The following FUT8 variants were observed in gnomAD, a reference collection of about 807,000 sequenced individuals.
The protein encoded by FUT8 is fucosyltransferase 8, also known as alpha-(1,6)-fucosyltransferase.
Under a neutral mutation model 71.3 loss-of-function variants are expected in FUT8, and 29 were observed. The ratio of observed to expected loss-of-function variants is 0.41; its 90% CI spans 0.30 to 0.55. The LOEUF is 0.55. Among genes scored for constraint, FUT8 ranks in the 20% least tolerant of loss-of-function variants. The pLI is 0.34. For missense variants in FUT8, 544 were observed against 702.1 expected (o/e 0.77, Z 2.55); for synonymous variants, 254 against 239.3 (o/e 1.06, Z -0.57).
chr14:65,497,361 G>A (rs1211678347), intron 2 of FUT8, among the ~76,000 whole-genome samples: 1 of 152,148 alleles, frequency 6.6e-6, no homozygotes, highest in African/African-American at 2.4e-5. Flanking sequence ...TTGGAAGCTT[G>A]TTAAAATGTA....
At position 65,544,335 on chromosome 14, in the gene FUT8, A is replaced by G. The variant is rs549280374; in HGVS notation, c.-227-17002A>G. Among the ~76,000 whole-genome samples the G allele has an allele frequency of 2.6e-5, 4 of 152,278 alleles. No individual in the cohort carries two copies. The East Asian group carries it at 7.7e-4, about 29-fold the overall frequency. On this transcript the variant is annotated intron_variant, in intron 2 of 10. Transcript: ENST00000673929. The stretch of plus-strand genomic sequence containing the variant: ...CTTCACAATTATGTGAGTTTCTACG[A>G]TTATGACTCCTACTTTATAGCAGGG...
chr14:65,599,889 C>T (rs1888207682), intron 3 of FUT8, among the ~76,000 whole-genome samples: 2 of 152,164 alleles, frequency 1.3e-5, no homozygotes, highest in African/African-American at 2.4e-5. Context: ...AATACATATG[C>T]TCTAACAAAA....
chr14:65,665,190 C>T (rs17102839), intron 6 of FUT8, among the ~76,000 whole-genome samples: 2,055 of 152,060 alleles, frequency 0.014, 37 homozygotes, highest in East Asian at 0.093. Flanking sequence ...GTGGCTTTTA[C>T]TTCATAATGA....
At chr14:65,535,525 G>C (rs1309032725) in intron 2 of FUT8, among the ~76,000 whole-genome samples, 1 of 152,074 alleles carries the variant, frequency 6.6e-6, no homozygotes, top group African/African-American at 2.4e-5. Flanking sequence ...GAACTTCTTT[G>C]GTTTCTGCCT....
At chr14:65,580,542 AAC>A (rs1393703821) in intron 3 of FUT8, among the ~76,000 whole-genome samples, 1 of 152,046 alleles carries the variant, frequency 6.6e-6, no homozygotes, top group Non-Finnish European at 1.5e-5. Context: ...CGCACATACA[AAC>A]ACACATGGAA....
chr14:65,618,566 G>T (rs1163085783), intron 5 of FUT8, among the ~76,000 whole-genome samples: 1 of 152,028 alleles, frequency 6.6e-6, no homozygotes, highest in African/African-American at 2.4e-5. Context: ...CAAATAATGA[G>T]CAAAACACAA....
intron 6 of FUT8, among the ~76,000 whole-genome samples, chr14:65,641,365 T>C (rs1410037945): frequency 6.6e-6 from 1 of 152,258 alleles, no homozygotes; most frequent in Non-Finnish European, 1.5e-5. Flanking sequence ...TCTTAATTAC[T>C]GACTGGTATT....
chr14:65,491,595 G>C (rs576255725), intron 2 of FUT8, among the ~76,000 whole-genome samples: 21 of 151,944 alleles, frequency 1.4e-4, no homozygotes, highest in Non-Finnish European at 2.6e-4. Context: ...GGCAAAATAA[G>C]GGAACTATAT....
chr14:65,523,401 G>A (rs142802011), intron 2 of FUT8, among the ~76,000 whole-genome samples: 123 of 150,698 alleles, frequency 8.2e-4, no homozygotes, highest in African/African-American at 2.4e-3. Flanking sequence ...CATATCCTTC[G>A]CCCATTTTTT....
At chr14:65,542,004 G>A (rs1884703894) in intron 2 of FUT8, among the ~76,000 whole-genome samples, 1 of 152,082 alleles carries the variant, frequency 6.6e-6, no homozygotes, top group African/African-American at 2.4e-5. Flanking sequence ...ATGACCTTGG[G>A]GAAGTTATTT....
chr14:65,725,415 A>G (rs537516888), intron 9 of FUT8, among the ~76,000 whole-genome samples: 14 of 152,292 alleles, frequency 9.2e-5, no homozygotes, highest in Admixed American at 7.2e-4. Flanking sequence ...ACAAATCCTG[A>G]TTGGACACTT....
chr14:65,366,902 G>A, the FUT8 span, among the ~76,000 whole-genome samples: 1 of 152,186 alleles, frequency 6.6e-6, no homozygotes, highest in Non-Finnish European at 1.5e-5. Context: ...TCTGTAAGAA[G>A]GGAGGGGAGA....
intron 7 of FUT8, among the ~76,000 whole-genome samples, chr14:65,681,882 C>T (rs954931606): frequency 1.3e-5 from 2 of 152,154 alleles, no homozygotes; most frequent in Non-Finnish European, 2.9e-5. Flanking sequence ...TACAGAAACC[C>T]AGTCTGACTT....
chr14:65,691,097 T>A (rs192192327), intron 7 of FUT8, among the ~76,000 whole-genome samples: 1 of 150,970 alleles, frequency 6.6e-6, no homozygotes, highest in Non-Finnish European at 1.5e-5. Context: ...CCAGCAGGGG[T>A]TTTTTGCTGG....
At chr14:65,616,750 G>A (rs989302108) in intron 5 of FUT8, among the ~76,000 whole-genome samples, 8 of 151,938 alleles carry the variant, frequency 5.3e-5, no homozygotes, top group African/African-American at 1.9e-4. Flanking sequence ...TGAGTCCGAT[G>A]GTTACATTTC....
At chr14:65,422,669 T>A (rs1004807424) in intron 1 of FUT8, among the ~76,000 whole-genome samples, 8 of 152,130 alleles carry the variant, frequency 5.3e-5, no homozygotes, top group African/African-American at 1.9e-4. Context: ...GGCTAATTTT[T>A]AAATATTTTT....
intron 2 of FUT8, among the ~76,000 whole-genome samples, chr14:65,515,510 T>A (rs972553411): frequency 2.6e-5 from 4 of 152,072 alleles, no homozygotes; most frequent in African/African-American, 9.7e-5. Flanking sequence ...GATTTCACTA[T>A]ATAATGTTTT....
intron 7 of FUT8, among the ~76,000 whole-genome samples, chr14:65,715,090 T>C (rs560067944): frequency 6.6e-6 from 1 of 152,346 alleles, no homozygotes; most frequent in South Asian, 2.1e-4. Flanking sequence ...GTCTGATTGC[T>C]CTAGCTAGAA....
intron 2 of FUT8, among the ~76,000 whole-genome samples, chr14:65,521,367 G>A (rs1044809641): frequency 1.3e-5 from 2 of 152,056 alleles, no homozygotes; most frequent in African/African-American, 4.8e-5. Flanking sequence ...GAAATTAATG[G>A]CTTCTTTTAT....
Sources: allele counts gnomAD v4.1 joint callset (sites outside exome capture counted in the v4.1 genomes callset), GRCh38; gene constraint gnomAD v4.1.1; transcripts MANE v1.5; gene names NCBI Gene and HGNC (gene_info 2026-07-23, HGNC 2026-07-21).